LHFPL3: variants seen among roughly 807,000 people sequenced by gnomAD.
LHFPL3 encodes LHFPL tetraspan subfamily member 3, also known as LHFPL tetraspan subfamily member 3 protein.
Under a neutral mutation model 19.3 loss-of-function variants are expected in LHFPL3, and 5 were observed. That is an observed-to-expected ratio of 0.26 (90% CI 0.14 to 0.54). The LOEUF (loss-of-function observed/expected upper bound fraction) is 0.54. Among genes scored for constraint, LHFPL3 ranks in the 20% least tolerant of loss-of-function variants. LHFPL3 has a pLI of 0.94. For synonymous variants in LHFPL3, 133 were observed against 126.2 expected, an observed-to-expected ratio of 1.05 and a Z score of -0.36; for missense variants, 249 against 307.4, an observed-to-expected ratio of 0.81 and a Z score of 1.42.
chr7:104,690,898 A>G (rs1792893577), intron 1 of LHFPL3, among the ~76,000 whole-genome samples: 1 of 152,220 alleles, frequency 6.6e-6, no homozygotes, highest in Non-Finnish European at 1.5e-5. Flanking sequence ...CTTGGGCCAT[A>G]TGACCCAGCA....
At chr7:104,726,222 G>A (rs1190768712) in intron 1 of LHFPL3, among the ~76,000 whole-genome samples, 5 of 152,036 alleles carry the variant, frequency 3.3e-5, no homozygotes, top group Non-Finnish European at 7.4e-5. Flanking sequence ...TTGTCTAGAT[G>A]TTACAGCTCC....
chr7:104,778,633 C>T (rs1007210479), intron 2 of LHFPL3, among the ~76,000 whole-genome samples: 4 of 152,244 alleles, frequency 2.6e-5, no homozygotes, highest in African/African-American at 7.2e-5. Flanking sequence ...TTAGGCCAGC[C>T]TCCTACTTAG....
chr7:104,412,315 C>T (rs1791549210), intron 1 of LHFPL3, among the ~76,000 whole-genome samples: 1 of 152,050 alleles, frequency 6.6e-6, no homozygotes, highest in South Asian at 2.1e-4. Context: ...GTCTTGCAGC[C>T]CATGGGTCGG....
intron 2 of LHFPL3, among the ~76,000 whole-genome samples, chr7:104,857,079 A>G (rs949872401): frequency 6.6e-6 from 1 of 152,182 alleles, no homozygotes; most frequent in Non-Finnish European, 1.5e-5. Flanking sequence ...GTGATAACTT[A>G]TGAAGTAGGT....
intron 2 of LHFPL3, among the ~76,000 whole-genome samples, chr7:104,877,037 A>G (rs1049139095): frequency 3.9e-5 from 6 of 152,216 alleles, no homozygotes; most frequent in Non-Finnish European, 5.9e-5. Flanking sequence ...CAAAAAACCA[A>G]ACACCACATG....
At chr7:104,343,386 G>A (rs575106786) in intron 1 of LHFPL3, among the ~76,000 whole-genome samples, 21 of 151,624 alleles carry the variant, frequency 1.4e-4, no homozygotes, top group African/African-American at 4.1e-4. Flanking sequence ...GGTGGTGCAT[G>A]CCTGTAGTCC....
intron 1 of LHFPL3, among the ~76,000 whole-genome samples, chr7:104,619,864 G>A (rs1791412364): frequency 2.0e-5 from 3 of 152,094 alleles, no homozygotes; most frequent in Admixed American, 2.0e-4. Flanking sequence ...GGCAGGTGGG[G>A]CAGCAGGGGG....
chr7:104,593,885 T>A (rs1790783672), intron 1 of LHFPL3, among the ~76,000 whole-genome samples: 1 of 152,120 alleles, frequency 6.6e-6, no homozygotes, highest in Admixed American at 6.6e-5. Flanking sequence ...TTTTTTGCAT[T>A]CCATTTGCTT....
chr7:104,713,380 A>G (rs146308393), intron 1 of LHFPL3, among the ~76,000 whole-genome samples: 1 of 152,362 alleles, frequency 6.6e-6, no homozygotes, highest in African/African-American at 2.4e-5. Flanking sequence ...ATTGACTCAC[A>G]GTTCCACAGG....
intron 2 of LHFPL3, among the ~76,000 whole-genome samples, chr7:104,737,947 A>G (rs577196223): frequency 1.3e-5 from 2 of 152,302 alleles, no homozygotes; most frequent in South Asian, 4.2e-4. Flanking sequence ...ACATGTAATG[A>G]TATAGCAGGC....
At chr7:104,352,808 G>C (rs547258581) in intron 1 of LHFPL3, among the ~76,000 whole-genome samples, 5 of 152,212 alleles carry the variant, frequency 3.3e-5, no homozygotes, top group Non-Finnish European at 2.9e-5. Context: ...CCAGCCAAGG[G>C]TTCTGGGTTC....
intron 1 of LHFPL3, among the ~76,000 whole-genome samples, chr7:104,531,029 A>G (rs1446158618): frequency 6.6e-6 from 1 of 152,208 alleles, no homozygotes; most frequent in African/African-American, 2.4e-5. Flanking sequence ...AAAATAAATA[A>G]AGTTCTGAAA....
At chr7:104,862,061 C>A (rs964304625) in intron 2 of LHFPL3, among the ~76,000 whole-genome samples, 4 of 152,148 alleles carry the variant, frequency 2.6e-5, no homozygotes, top group Non-Finnish European at 2.9e-5. Context: ...GTATCTCTTA[C>A]ACCATCTTCC....
intron 1 of LHFPL3, among the ~76,000 whole-genome samples, chr7:104,331,770 T>C (rs910079440): frequency 3.9e-5 from 6 of 151,928 alleles, no homozygotes; most frequent in African/African-American, 1.5e-4. Flanking sequence ...GCCAACATGG[T>C]GAAACTCCAT....
At chr7:104,862,564 A>G (rs1367813509) in intron 2 of LHFPL3, among the ~76,000 whole-genome samples, 1 of 152,178 alleles carries the variant, frequency 6.6e-6, no homozygotes, top group African/African-American at 2.4e-5. Context: ...AAGGCAAAGG[A>G]AGTCTTAATG....
chr7:104,348,230 C>T (rs142841070), intron 1 of LHFPL3, among the ~76,000 whole-genome samples: 1 of 152,096 alleles, frequency 6.6e-6, no homozygotes, highest in African/African-American at 2.4e-5. Context: ...ACTAAAAATA[C>T]AAAAATTAGC....
chr7:104,544,530 T>C (rs1264345328), intron 1 of LHFPL3, among the ~76,000 whole-genome samples: 1 of 152,194 alleles, frequency 6.6e-6, no homozygotes, highest in African/African-American at 2.4e-5. Flanking sequence ...ATCCCAAACC[T>C]TGAAGTCATT....
At chr7:104,755,856 C>A (rs183847489) in intron 2 of LHFPL3, among the ~76,000 whole-genome samples, 1 of 152,070 alleles carries the variant, frequency 6.6e-6, no homozygotes, top group Non-Finnish European at 1.5e-5. Context: ...CCACCACGCC[C>A]GGTTAATTTT....
chr7:104,512,096 A>T (rs1272573944), intron 1 of LHFPL3, among the ~76,000 whole-genome samples: 3 of 151,716 alleles, frequency 2.0e-5, no homozygotes, highest in Non-Finnish European at 4.4e-5. Context: ...TTGGGATTAC[A>T]GGCACGCTCC....
Sources: gnomAD v4.1 joint callset for allele counts (sites outside exome capture counted in the v4.1 genomes callset) on GRCh38, gnomAD v4.1.1 for gene constraint, MANE v1.5 for transcripts, NCBI Gene and HGNC (gene_info 2026-07-23, HGNC 2026-07-21) for gene names.